Variants in PKHD1 observed in about 807,000 individuals in gnomAD.
PKHD1 encodes PKHD1 ciliary IPT domain containing fibrocystin/polyductin.
A neutral mutation model predicts 412.0 loss-of-function variants in PKHD1; 291 were observed. The ratio of observed to expected loss-of-function variants is 0.71; its 90% CI spans 0.64 to 0.78. The LOEUF (loss-of-function observed/expected upper bound fraction) is 0.78, where lower values mean the gene tolerates loss of function less well. Ranked by LOEUF, PKHD1 falls within the 30% of genes least tolerant of loss-of-function variation. The probability of loss-of-function intolerance (pLI) is 0.00; values close to 1 mark genes in which losing one functional copy is unlikely to be tolerated. For synonymous variants in PKHD1, 1,777 were observed against 1,821.5 expected (o/e 0.98, Z 0.62); for missense variants, 4,825 against 4,950.7 (o/e 0.97, Z 0.76).
At chr6:51,635,184 C>T (rs559936348) in intron 64 of PKHD1, among the ~76,000 whole-genome samples, 1 of 152,122 alleles carries the variant, frequency 6.6e-6, no homozygotes, top group African/African-American at 2.4e-5. Context: ...TCAGTCTCAG[C>T]CTCCCAGAGT....
intron 52 of PKHD1, among the ~76,000 whole-genome samples, chr6:51,794,318 C>T (rs184050946): frequency 1.2e-4 from 19 of 152,146 alleles, no homozygotes; most frequent in African/African-American, 3.6e-4. Context: ...CTGTTGGCTG[C>T]GTGTATGTCT....
intron 39 of PKHD1, among the ~76,000 whole-genome samples, chr6:51,910,649 G>A (rs72913648): frequency 0.07 from 10,628 of 152,186 alleles, 504 homozygotes; most frequent in Non-Finnish European, 0.11. Flanking sequence ...GATCTCACTG[G>A]CAGCATGATC....
chr6:51,641,481 G>A (rs1326154061), intron 63 of PKHD1, among the ~76,000 whole-genome samples: 1 of 152,204 alleles, frequency 6.6e-6, no homozygotes, highest in Admixed American at 6.5e-5. Context: ...GGAAGACAGT[G>A]TGGTGATTCC....
chr6:52,018,834 T>C (rs901934468), intron 33 of PKHD1, among the ~76,000 whole-genome samples: 1 of 152,212 alleles, frequency 6.6e-6, no homozygotes, highest in African/African-American at 2.4e-5. Flanking sequence ...AACTTTTTTA[T>C]GTTTGGTAAC....
At position 51,617,583 on chromosome 6, in the gene PKHD1, TTCCAAA is replaced by T. The variant is rs886061601; in HGVS notation, c.*1492_*1497del. The T allele has an allele frequency of 2.0e-5, 3 of 152,168 alleles. No individual in the cohort carries two copies. The highest frequency in any genetic ancestry group is 4.4e-5 in the Non-Finnish European group (3 of 68,046). 9.4% of individuals were successfully genotyped at this position (152,168 alleles called of 1,614,324 possible). A position where few individuals can be genotyped will look rare whatever the true frequency, so the allele number is the denominator to read the frequency against. ...GACCTTAACATCTACTTATATTTTC[TTCCAAA>T]TCCAACACAGTGACCACAGAGAAGG... is the stretch of plus-strand genomic sequence containing the variant. On this transcript the variant is annotated 3_prime_UTR_variant, in exon 67 of 67. Transcript: ENST00000371117.
chr6:52,017,032 G>A (rs1800648824), intron 34 of PKHD1, among the ~76,000 whole-genome samples: 1 of 152,026 alleles, frequency 6.6e-6, no homozygotes, highest in Admixed American at 6.6e-5. Flanking sequence ...TCATACTTGT[G>A]AATCTGTTTG....
In PKHD1 at chr6:51,617,222, A is replaced by C. The variant is rs1021630386; in HGVS notation, c.*1859T>G. ...ACTTCTGAAATGTTTTTTTCCAAAA[A>C]GCTTACGGCTCTTTGAGGATCCAAT... On this transcript the variant is annotated 3_prime_UTR_variant, in exon 67 of 67. Coordinates refer to ENST00000371117, the MANE Select transcript of PKHD1 (RefSeq NM_138694.4). The C allele has an allele frequency of 1.3e-5, 2 of 152,270 alleles. No individual in the cohort carries two copies. Among genetic ancestry groups the C allele is most frequent in the African/African-American group, 2.4e-5 (1 of 41,464 alleles). 9.4% of individuals were successfully genotyped at this position (152,270 alleles called of 1,614,324 possible).
At chr6:51,732,560 T>C (rs1783355892) in intron 60 of PKHD1, among the ~76,000 whole-genome samples, 1 of 152,166 alleles carries the variant, frequency 6.6e-6, no homozygotes, top group African/African-American at 2.4e-5. Context: ...ACACTACTAA[T>C]CACTTGGGAA....
intron 52 of PKHD1, among the ~76,000 whole-genome samples, chr6:51,804,212 A>G (rs1365259208): frequency 6.6e-6 from 1 of 151,204 alleles, no homozygotes; most frequent in Non-Finnish European, 1.5e-5. Flanking sequence ...CCAAATGGCC[A>G]GAATCCCACT....
At chr6:51,755,814 T>C (rs777562733) in intron 55 of PKHD1, among the ~76,000 whole-genome samples, 1 of 152,152 alleles carries the variant, frequency 6.6e-6, no homozygotes. Context: ...GCAACCTTTA[T>C]TGACCGAGCA....
At chr6:51,866,129 G>T (rs1268499238) in intron 48 of PKHD1, among the ~76,000 whole-genome samples, 2 of 152,116 alleles carry the variant, frequency 1.3e-5, no homozygotes, top group Admixed American at 6.6e-5. Context: ...TCTCCTAGAG[G>T]TGAGCACATC....
At chr6:52,053,040 G>T in intron 21 of PKHD1, 36 bp downstream of exon 21, 2 of 1,602,956 alleles carry the variant, frequency 1.2e-6, no homozygotes, top group South Asian at 2.2e-5. Flanking sequence ...GTAGGCATGT[G>T]ACCGGCTTGT....
At chr6:51,636,475 A>T (rs1768579955) in intron 64 of PKHD1, among the ~76,000 whole-genome samples, 1 of 152,022 alleles carries the variant, frequency 6.6e-6, no homozygotes, top group African/African-American at 2.4e-5. Flanking sequence ...TGAGCCTGGG[A>T]GGTTGAGACT....
At chr6:51,640,543 G>A (rs1304973198) in intron 63 of PKHD1, among the ~76,000 whole-genome samples, 1 of 152,110 alleles carries the variant, frequency 6.6e-6, no homozygotes, top group African/African-American at 2.4e-5. Context: ...TGATCATGCT[G>A]GTATAAACAG....
chr6:52,056,335 T>A (rs546646872), intron 18 of PKHD1, among the ~76,000 whole-genome samples: 1 of 152,346 alleles, frequency 6.6e-6, no homozygotes, highest in East Asian at 1.9e-4. Flanking sequence ...AAGACTACTT[T>A]CTTAAGTAGT....
At chr6:52,059,868 C>T (rs992894933) in intron 15 of PKHD1, 60 bp downstream of exon 15, 2 of 847,102 alleles carry the variant, frequency 2.4e-6, no homozygotes, top group African/African-American at 1.7e-5. Context: ...TTGATTCTTT[C>T]TTTCTTCATG....
At chr6:51,929,939 A>T (rs371856714) in intron 37 of PKHD1, among the ~76,000 whole-genome samples, 1 of 152,314 alleles carries the variant, frequency 6.6e-6, no homozygotes, top group African/African-American at 2.4e-5. Flanking sequence ...CTGTCAGCCA[A>T]ATTTCTCAGG....
chr6:51,868,963 C>T (rs1775519190), intron 47 of PKHD1, among the ~76,000 whole-genome samples: 1 of 151,770 alleles, frequency 6.6e-6, no homozygotes, highest in African/African-American at 2.4e-5. Flanking sequence ...TACACATCTC[C>T]CAGTACACAT....
rs77636746 is a variant in PKHD1, at chr6:51,888,192, C to A, written c.6997-947G>T. On this transcript the variant is annotated intron_variant, in intron 43 of 66. Coordinates refer to ENST00000371117, the MANE Select transcript of PKHD1 (RefSeq NM_138694.4). ...TCAAATCTCTTCAAAGTGCTCTTGT[C>A]CTGAATAGACTATTAAGTCGCCTTG... 2.6e-3 allele frequency among the ~76,000 whole-genome samples: 399 copies of A among 152,324 alleles called. 4 individuals are homozygous for A. Among genetic ancestry groups the A allele is most frequent in the African/African-American group, 8.7e-3 (360 of 41,582 alleles).
Sources: allele counts gnomAD v4.1 joint callset (sites outside exome capture counted in the v4.1 genomes callset), GRCh38; gene constraint gnomAD v4.1.1; transcripts MANE v1.5; gene names NCBI Gene and HGNC (gene_info 2026-07-23, HGNC 2026-07-21).